Variants in LRRC69 observed in about 807,000 individuals in gnomAD.
The protein encoded by LRRC69 is leucine-rich repeat-containing protein 69.
LRRC69 carries 42 observed loss-of-function variants against 37.8 expected under a neutral mutation model. The ratio of observed to expected loss-of-function variants is 1.11; its 90% CI spans 0.87 to 1.44. The LOEUF is 1.44. Among genes scored for constraint, LRRC69 ranks in the 40% most tolerant of loss-of-function variants. The pLI is 0.00. For missense variants in LRRC69, 357 were observed against 401.9 expected, an observed-to-expected ratio of 0.89 and a Z score of 0.96; for synonymous variants, 141 against 143.1, an observed-to-expected ratio of 0.99 and a Z score of 0.11.
At chr8:91,182,121 G>A (rs1156448172) in intron 5 of LRRC69, among the ~76,000 whole-genome samples, 2 of 152,022 alleles carry the variant, frequency 1.3e-5, no homozygotes, top group African/African-American at 4.8e-5. Flanking sequence ...ATAGTTTTCT[G>A]AATTGGAAAA....
intron 1 of LRRC69, among the ~76,000 whole-genome samples, chr8:91,119,046 T>C (rs1236790247): frequency 1.3e-5 from 2 of 152,114 alleles, no homozygotes; most frequent in Non-Finnish European, 2.9e-5. Context: ...TGTTTACTTA[T>C]TTGTTGTCTG....
At chr8:91,113,452 C>G (rs978511603) in intron 1 of LRRC69, among the ~76,000 whole-genome samples, 2 of 151,960 alleles carry the variant, frequency 1.3e-5, no homozygotes, top group Non-Finnish European at 2.9e-5. Flanking sequence ...GTGCGAAGAG[C>G]ACACATTGGG....
intron 5 of LRRC69, chr8:91,157,801 G>C: frequency 1.2e-6 from 2 of 1,607,732 alleles, no homozygotes; most frequent in Non-Finnish European, 1.7e-6. Flanking sequence ...AAGTGGAATG[G>C]GATTATTCCC....
chr8:91,155,031 G>C (rs569145032), intron 5 of LRRC69, among the ~76,000 whole-genome samples: 1 of 151,692 alleles, frequency 6.6e-6, no homozygotes, highest in Admixed American at 6.6e-5. Context: ...AAAGTCTCAG[G>C]ATAGAAAATC....
intron 2 of LRRC69, 69 bp downstream of exon 2, chr8:91,124,688 T>A: frequency 7.6e-7 from 1 of 1,322,668 alleles, no homozygotes; most frequent in Admixed American, 3.4e-5. Flanking sequence ...AATATGAGAC[T>A]GAAATGAAAA....
chr8:91,128,611 T>A (rs1285152858), intron 3 of LRRC69, among the ~76,000 whole-genome samples: 2 of 152,078 alleles, frequency 1.3e-5, no homozygotes, highest in Non-Finnish European at 2.9e-5. Flanking sequence ...ATGATGATAG[T>A]ATTTTCAGAA....
At chr8:91,126,330 ACTGGTGG>A (rs1813712117) in intron 2 of LRRC69, among the ~76,000 whole-genome samples, 1 of 151,962 alleles carries the variant, frequency 6.6e-6, no homozygotes, top group Non-Finnish European at 1.5e-5. Flanking sequence ...GAGATTGCAA[ACTGGTGG>A]CCCATGGGCT....
intron 5 of LRRC69, among the ~76,000 whole-genome samples, chr8:91,184,827 T>A (rs1219857604): frequency 6.6e-6 from 1 of 151,926 alleles, no homozygotes; most frequent in Non-Finnish European, 1.5e-5. Flanking sequence ...GTTACCACAG[T>A]GGAGAGAGAC....
At chr8:91,135,641 ATCTC>A (rs755206077) in intron 4 of LRRC69, 23 bp from the exon 5 acceptor site, 14 of 1,340,194 alleles carry the variant, frequency 1.0e-5, no homozygotes, top group Middle Eastern at 1.8e-4. Context: ...GATTTAAAAA[ATCTC>A]TCTCTTCTGT....
chr8:91,137,446 C>G (rs1220867365), intron 5 of LRRC69, among the ~76,000 whole-genome samples: 1 of 151,904 alleles, frequency 6.6e-6, no homozygotes. Flanking sequence ...TCCTCTATAC[C>G]TGCAGTGTCT....
intron 7 of LRRC69, among the ~76,000 whole-genome samples, chr8:91,213,056 T>A (rs180877074): frequency 1.2e-4 from 19 of 152,224 alleles, no homozygotes; most frequent in Non-Finnish European, 2.8e-4. Context: ...TAATCTTACA[T>A]TTTATTGAGC....
intron 5 of LRRC69, among the ~76,000 whole-genome samples, chr8:91,139,907 G>A (rs1260938869): frequency 6.6e-6 from 1 of 151,216 alleles, no homozygotes; most frequent in South Asian, 2.1e-4. Context: ...TGACCAACAT[G>A]GAGAAACTCC....
At chr8:91,192,481 A>G (rs1335247578) in intron 6 of LRRC69, among the ~76,000 whole-genome samples, 10 of 151,040 alleles carry the variant, frequency 6.6e-5, no homozygotes, top group South Asian at 6.4e-4. Context: ...AAGTGTTCCT[A>G]TTTCTCCACA....
chr8:91,142,500 G>C (rs992948693), intron 5 of LRRC69, among the ~76,000 whole-genome samples: 14 of 151,988 alleles, frequency 9.2e-5, no homozygotes, highest in African/African-American at 3.1e-4. Context: ...TGGAGCTGAG[G>C]ATATTGAGGC....
intron 5 of LRRC69, among the ~76,000 whole-genome samples, chr8:91,145,437 A>G (rs1808600988): frequency 6.6e-6 from 1 of 151,872 alleles, no homozygotes; most frequent in South Asian, 2.1e-4. Context: ...TCTTGTTCCC[A>G]TATGAATAGT....
chr8:91,136,431 G>A (rs1269736091), intron 5 of LRRC69, among the ~76,000 whole-genome samples: 1 of 151,852 alleles, frequency 6.6e-6, no homozygotes, highest in Non-Finnish European at 1.5e-5. Context: ...TATACTGAAG[G>A]TAATTCAAAT....
intron 5 of LRRC69, among the ~76,000 whole-genome samples, chr8:91,139,376 C>T (rs935250453): frequency 2.0e-5 from 3 of 151,940 alleles, no homozygotes; most frequent in African/African-American, 7.2e-5. Context: ...CCCATCTCTA[C>T]TAAAAATACA....
chr8:91,118,307 C>T (rs1813551261), intron 1 of LRRC69: 1 of 380,818 alleles, frequency 2.6e-6, no homozygotes, highest in Non-Finnish European at 5.0e-6. Flanking sequence ...GAGTTCGAGA[C>T]CAGCCTGGCC....
chr8:91,128,176 A>G (rs1010393220), intron 3 of LRRC69, among the ~76,000 whole-genome samples: 7 of 152,016 alleles, frequency 4.6e-5, no homozygotes, highest in African/African-American at 1.7e-4. Context: ...GGTTCAGGGC[A>G]TATCTCTGTG....
Sources: allele counts gnomAD v4.1 joint callset (sites outside exome capture counted in the v4.1 genomes callset), GRCh38; gene constraint gnomAD v4.1.1; transcripts MANE v1.5; gene names NCBI Gene and HGNC (gene_info 2026-07-23, HGNC 2026-07-21).